The following TAOK3 variants were observed in gnomAD, a reference collection of about 807,000 sequenced individuals.
TAOK3 encodes the protein TAO kinase 3, also known as serine/threonine-protein kinase TAO3.
In TAOK3, 40 loss-of-function variants were observed where a neutral mutation model predicts 120.4. The observed-to-expected ratio is 0.33, with a 90% CI of 0.26 to 0.43. The LOEUF (loss-of-function observed/expected upper bound fraction) is 0.43. TAOK3 is among the 20% of genes least tolerant of loss of function. The pLI is 1.00. For missense variants in TAOK3, 821 were observed against 1,112.1 expected (o/e 0.74, Z 3.72); for synonymous variants, 355 against 387.5 (o/e 0.92, Z 0.99).
At chr12:118,329,186 C>T (rs926566306) in intron 1 of TAOK3, among the ~76,000 whole-genome samples, 7 of 152,148 alleles carry the variant, frequency 4.6e-5, no homozygotes, top group African/African-American at 9.7e-5. Flanking sequence ...ACACAACTGA[C>T]AGACTGGATA....
At chr12:118,190,064 T>C in intron 13 of TAOK3, 123 bp from the exon 14 acceptor site, 1 of 1,265,826 alleles carries the variant, frequency 7.9e-7, no homozygotes, top group Non-Finnish European at 1.1e-6. Context: ...AGCTCTCTGC[T>C]AGTCCCCGCA....
intron 1 of TAOK3, among the ~76,000 whole-genome samples, chr12:118,341,726 A>C (rs1163010157): frequency 6.6e-6 from 1 of 152,222 alleles, no homozygotes; most frequent in African/African-American, 2.4e-5. Flanking sequence ...TGCTAAAAAA[A>C]CCCTTCTGTG....
intron 17 of TAOK3, among the ~76,000 whole-genome samples, chr12:118,166,891 T>A (rs1188235224): frequency 8.2e-5 from 12 of 147,200 alleles, no homozygotes; most frequent in Admixed American, 8.1e-4. Context: ...CTGGAGGGAG[T>A]GTGGGATAAG....
At chr12:118,244,413 G>A (rs1566003744) in intron 4 of TAOK3, among the ~76,000 whole-genome samples, 1 of 151,048 alleles carries the variant, frequency 6.6e-6, no homozygotes, top group Non-Finnish European at 1.5e-5. Flanking sequence ...AAATAATTAT[G>A]AATGTTCACA....
chr12:118,301,841 C>CAAAA (rs777882071), intron 1 of TAOK3, among the ~76,000 whole-genome samples: 16 of 69,050 alleles, frequency 2.3e-4, no homozygotes, highest in African/African-American at 7.9e-4. Context: ...GACTCCATCT[C>CAAAA]AAAAAAAAAA....
chr12:118,320,320 G>A (rs1009966653), intron 1 of TAOK3, among the ~76,000 whole-genome samples: 1 of 152,038 alleles, frequency 6.6e-6, no homozygotes, highest in African/African-American at 2.4e-5. Context: ...GCCGGGTATG[G>A]TGGCTCTTGC....
chr12:118,290,130 T>A (rs2042418659), intron 1 of TAOK3, among the ~76,000 whole-genome samples: 4 of 152,146 alleles, frequency 2.6e-5, no homozygotes, highest in African/African-American at 9.7e-5. Flanking sequence ...GAAAGTAAAA[T>A]CTGACCATGC....
chr12:118,359,461 T>A (rs553626164), intron 1 of TAOK3: 2 of 152,250 alleles, frequency 1.3e-5, no homozygotes, highest in South Asian at 4.2e-4. Context: ...TAGAGTAAGG[T>A]TTCAAGGAAC....
chr12:118,257,910 C>T (rs879689659), intron 2 of TAOK3, among the ~76,000 whole-genome samples: 4 of 151,908 alleles, frequency 2.6e-5, no homozygotes, highest in Non-Finnish European at 4.4e-5. Flanking sequence ...GGATGTAGTC[C>T]CTATCCTTAA....
chr12:118,182,597 G>GTATATATATATATATA (rs1291003929), intron 14 of TAOK3, among the ~76,000 whole-genome samples: 2 of 77,506 alleles, frequency 2.6e-5, no homozygotes, highest in African/African-American at 4.6e-5. Context: ...GTGTGTGTGT[G>GTATATATATATATATA]TGTATATATA....
At chr12:118,309,551 T>C (rs1399017134) in intron 1 of TAOK3, among the ~76,000 whole-genome samples, 1 of 151,868 alleles carries the variant, frequency 6.6e-6, no homozygotes, top group African/African-American at 2.4e-5. Context: ...GTCTTGCTCT[T>C]ATCCCCCAGG....
intron 10 of TAOK3, among the ~76,000 whole-genome samples, chr12:118,213,431 A>G (rs1263068457): frequency 6.6e-6 from 1 of 152,188 alleles, no homozygotes; most frequent in Admixed American, 6.6e-5. Flanking sequence ...ACCCAGGAGT[A>G]GGCTTCCTGA....
At chr12:118,173,388 G>C (rs542945353) in intron 16 of TAOK3, among the ~76,000 whole-genome samples, 51 of 152,312 alleles carry the variant, frequency 3.3e-4, no homozygotes, top group African/African-American at 1.2e-3. Flanking sequence ...GCATGTGAGA[G>C]TGTCATAATG....
chr12:118,200,375 A>G (rs1377725839), intron 12 of TAOK3: 2 of 151,850 alleles, frequency 1.3e-5, no homozygotes. Flanking sequence ...CTCCATCTCT[A>G]CTGCATTTAA....
At chr12:118,177,068 G>T in intron 16 of TAOK3, 133 bp downstream of exon 16, 1 of 973,794 alleles carries the variant, frequency 1.0e-6, no homozygotes. Context: ...TGCCCGGAAA[G>T]CATTTTAGGG....
chr12:118,201,204 T>G (rs2038004071), intron 12 of TAOK3, 92 bp downstream of exon 12: 1 of 1,227,632 alleles, frequency 8.1e-7, no homozygotes, highest in Non-Finnish European at 1.1e-6. Flanking sequence ...TCAATTAATT[T>G]TTATCTTCAA....
intron 1 of TAOK3, among the ~76,000 whole-genome samples, chr12:118,360,673 C>T (rs1405820261): frequency 6.6e-6 from 1 of 150,394 alleles, no homozygotes; most frequent in East Asian, 2.0e-4. Context: ...CAATAATGAA[C>T]AAAATAAAGT....
At position 118,339,275 on chromosome 12, in the gene TAOK3, C is replaced by CA. The variant is rs1491283045; in HGVS notation, c.-194+33372_-194+33373insT. Among the ~76,000 whole-genome samples the CA allele has an allele frequency of 8.4e-4, 73 of 86,924 alleles. 1 individual carries two copies. Among genetic ancestry groups the CA allele is most frequent in the South Asian group, 8.1e-3 (17 of 2,090 alleles). 57.0% of individuals were successfully genotyped at this position (86,924 alleles called of 152,430 possible). A position where few individuals can be genotyped will look rare whatever the true frequency, so the allele number is the denominator to read the frequency against. On this transcript the variant is annotated intron_variant, in intron 1 of 20. Transcript: ENST00000392533. ...TGAAAATTCTCCGTTCTTCATCATA[C>CA]TTTTTTTTTTTTTTTTTTTTTTTTT...
chr12:118,269,055 AAG>A (rs1428266541), intron 1 of TAOK3, among the ~76,000 whole-genome samples: 1 of 151,622 alleles, frequency 6.6e-6, no homozygotes, highest in Non-Finnish European at 1.5e-5. Context: ...AAAGAAAAGA[AAG>A]AGAGTTTCAA....
Sources: gnomAD v4.1 joint callset for allele counts (sites outside exome capture counted in the v4.1 genomes callset) on GRCh38, gnomAD v4.1.1 for gene constraint, MANE v1.5 for transcripts, NCBI Gene and HGNC (gene_info 2026-07-23, HGNC 2026-07-21) for gene names.